The following ERC2 variants were observed in gnomAD, a reference collection of about 807,000 sequenced individuals.
ERC2 encodes ERC protein 2.
ERC2 carries 42 observed loss-of-function variants against 114.8 expected under a neutral mutation model. The ratio of observed to expected loss-of-function variants is 0.37; its 90% CI spans 0.29 to 0.47. The LOEUF (loss-of-function observed/expected upper bound fraction) is 0.47. ERC2 is among the 20% of genes least tolerant of loss of function. The pLI, the probability that ERC2 is intolerant of heterozygous loss-of-function variation, is 0.99. For missense variants in ERC2, 939 were observed against 1,150.7 expected, an observed-to-expected ratio of 0.82 and a Z score of 2.66; for synonymous variants, 454 against 425.5, an observed-to-expected ratio of 1.07 and a Z score of -0.82.
intron 3 of ERC2, among the ~76,000 whole-genome samples, chr3:56,203,106 C>T (rs193280149): frequency 1.7e-3 from 262 of 152,288 alleles, no homozygotes; most frequent in African/African-American, 6.1e-3. Context: ...CTCGTATTTC[C>T]TGAAAGACAG....
At chr3:55,866,084 G>C (rs987576212) in intron 14 of ERC2, among the ~76,000 whole-genome samples, 3 of 152,090 alleles carry the variant, frequency 2.0e-5, no homozygotes, top group African/African-American at 7.2e-5. Context: ...AATGTATGAG[G>C]TTTACAGTTT....
chr3:56,339,450 G>T (rs539082847), intron 2 of ERC2, among the ~76,000 whole-genome samples: 94 of 152,242 alleles, frequency 6.2e-4, no homozygotes, highest in African/African-American at 2.1e-3. Flanking sequence ...TGGCACTGCT[G>T]AAGTGCGGTG....
At chr3:56,127,280 TAA>T (rs1012100869) in intron 6 of ERC2, among the ~76,000 whole-genome samples, 7 of 152,258 alleles carry the variant, frequency 4.6e-5, no homozygotes, top group Admixed American at 2.6e-4. Flanking sequence ...CAATCCCTAT[TAA>T]AATATCAATG....
intron 14 of ERC2, among the ~76,000 whole-genome samples, chr3:55,793,460 T>C (rs552591766): frequency 6.6e-6 from 1 of 152,300 alleles, no homozygotes; most frequent in South Asian, 2.1e-4. Context: ...GCAGAAAAGA[T>C]ACTGGTTCTG....
intron 14 of ERC2, among the ~76,000 whole-genome samples, chr3:55,802,093 A>C (rs2071104851): frequency 1.3e-5 from 2 of 152,270 alleles, no homozygotes; most frequent in South Asian, 4.1e-4. Context: ...ATGTATTTAG[A>C]GCTTAAGCTG....
chr3:55,531,728 G>A (rs189629247), intron 17 of ERC2, among the ~76,000 whole-genome samples: 2 of 152,288 alleles, frequency 1.3e-5, no homozygotes, highest in African/African-American at 4.8e-5. Flanking sequence ...TCAGCTCAGC[G>A]ATAGAAATGA....
intron 14 of ERC2, among the ~76,000 whole-genome samples, chr3:55,847,493 G>T (rs1381551505): frequency 2.0e-5 from 3 of 152,132 alleles, no homozygotes; most frequent in African/African-American, 4.8e-5. Context: ...AATAAATCAC[G>T]ATGCCACAGA....
In ERC2 at chr3:55,729,867, T is replaced by TAAAAA. The variant is rs2065148489; in HGVS notation, c.2712+4903_2712+4904insTTTTT. Among the ~76,000 whole-genome samples the TAAAAA allele has an allele frequency of 5.5e-4, 23 of 42,020 alleles. 4 individuals carry two copies. Among genetic ancestry groups the TAAAAA allele is most frequent in the African/African-American group, 2.2e-3 (21 of 9,354 alleles). The allele number at this position is 42,020 out of a possible 152,430, so 27.6% of individuals were successfully genotyped here. A position where few individuals can be genotyped will look rare whatever the true frequency, so the allele number is the denominator to read the frequency against. On this transcript the variant is annotated intron_variant, in intron 15 of 17. Transcript: ENST00000288221. Reference sequence around the variant, plus strand: ...AAAAAAAAAAAAAAAAAAAAAAAATTGTAAGCTACACAAGGAAGCGGTCTT... The same window carrying TAAAAA: ...AAAAAAAAAAAAAAAAAAAAAAAATTAAAAAGTAAGCTACACAAGGAAGCGGTCTT...
chr3:56,127,207 C>T lies in ERC2; in HGVS notation c.1473+12302G>A, dbSNP rs117529797. On this transcript the variant is annotated intron_variant, in intron 6 of 17. Coordinates refer to ENST00000288221, the MANE Select transcript of ERC2 (RefSeq NM_015576.3). ...TAAACCAAAAGATATCCCATGTTCA[C>T]GGATTGGAAGAATTACTATTTTAAA... 4.7e-4 allele frequency among the ~76,000 whole-genome samples: 71 copies of T among 152,214 alleles called. 1 individual carries two copies. The East Asian group carries it at 0.013, about 28-fold the overall frequency.
intron 6 of ERC2, among the ~76,000 whole-genome samples, chr3:56,108,243 G>A (rs73091205): frequency 0.064 from 9,811 of 152,152 alleles, 432 homozygotes; most frequent in Non-Finnish European, 0.1. Flanking sequence ...CAACATGAGG[G>A]AAAGTATTTC....
intron 14 of ERC2, among the ~76,000 whole-genome samples, chr3:55,817,164 T>G (rs1021963963): frequency 5.9e-5 from 9 of 152,232 alleles, no homozygotes; most frequent in Non-Finnish European, 8.8e-5. Flanking sequence ...CACAACCACC[T>G]TCTACTATTA....
intron 2 of ERC2, among the ~76,000 whole-genome samples, chr3:56,379,501 C>G (rs1263727785): frequency 6.6e-6 from 1 of 152,140 alleles, no homozygotes; most frequent in Admixed American, 6.6e-5. Context: ...CAACTGTAAT[C>G]CCCATTTACT....
At chr3:56,319,594 T>C (rs2057031969) in intron 2 of ERC2, among the ~76,000 whole-genome samples, 1 of 152,052 alleles carries the variant, frequency 6.6e-6, no homozygotes, top group South Asian at 2.1e-4. Context: ...TATTGTACAC[T>C]CAAAAATTTA....
intron 13 of ERC2, among the ~76,000 whole-genome samples, chr3:55,930,991 A>G (rs1252843728): frequency 6.6e-6 from 1 of 152,246 alleles, no homozygotes; most frequent in Non-Finnish European, 1.5e-5. Context: ...GCCAACAAGA[A>G]TATTAAAAAA....
chr3:55,812,630 G>A (rs1319031435), intron 14 of ERC2, among the ~76,000 whole-genome samples: 1 of 152,172 alleles, frequency 6.6e-6, no homozygotes, highest in Non-Finnish European at 1.5e-5. Flanking sequence ...GAACAGGAGG[G>A]AGGATCTACT....
intron 2 of ERC2, among the ~76,000 whole-genome samples, chr3:56,325,994 G>A (rs1464827836): frequency 2.0e-5 from 3 of 152,192 alleles, no homozygotes; most frequent in African/African-American, 7.2e-5. Flanking sequence ...TCTTCTTGCA[G>A]ACTCTGTACA....
At position 56,433,030 on chromosome 3, in the gene ERC2, C is replaced by T. The variant is rs1460498094; in HGVS notation, c.657+1321G>A. Reference sequence around the variant, plus strand: ...CTCTACAAAAAAAAATAATTTTAATCGGCAGGCTGTGGTGATATGTGCCCG... The same window carrying T: ...CTCTACAAAAAAAAATAATTTTAATTGGCAGGCTGTGGTGATATGTGCCCG... On this transcript the variant is annotated intron_variant, in intron 2 of 17. Transcript: ENST00000288221. 6.6e-5 allele frequency among the ~76,000 whole-genome samples: 10 copies of T among 151,926 alleles called. No homozygotes were observed. In the East Asian group the frequency reaches 1.7e-3, roughly 26 times the overall value.
chr3:55,966,615 G>T (rs912427155), intron 12 of ERC2, among the ~76,000 whole-genome samples: 8 of 152,126 alleles, frequency 5.3e-5, no homozygotes, highest in Admixed American at 5.2e-4. Context: ...TGCTTAGAAG[G>T]CTCATCTAGC....
At chr3:55,972,809 A>C (rs1016017084) in intron 12 of ERC2, among the ~76,000 whole-genome samples, 1 of 152,202 alleles carries the variant, frequency 6.6e-6, no homozygotes, top group Non-Finnish European at 1.5e-5. Context: ...AGTAACATTA[A>C]ATTTGAACTT....
Sources: allele counts gnomAD v4.1 joint callset (sites outside exome capture counted in the v4.1 genomes callset), GRCh38; gene constraint gnomAD v4.1.1; transcripts MANE v1.5; gene names NCBI Gene and HGNC (gene_info 2026-07-23, HGNC 2026-07-21).